The following MAGI2 variants were observed in gnomAD, a reference collection of about 807,000 sequenced individuals.
MAGI2 encodes the protein membrane-associated guanylate kinase, WW and PDZ domain-containing protein 2.
In MAGI2, 35 loss-of-function variants were observed where a neutral mutation model predicts 133.3. The ratio of observed to expected loss-of-function variants is 0.26; its 90% CI spans 0.20 to 0.35. The LOEUF is 0.35. Among genes scored for constraint, MAGI2 ranks in the 10% least tolerant of loss-of-function variants. MAGI2 has a pLI of 1.00. For missense variants in MAGI2, 1,636 were observed against 1,863.4 expected (o/e 0.88, Z 2.25); for synonymous variants, 729 against 710.6 (o/e 1.03, Z -0.41).
chr7:79,322,981 C>T (rs758369362), intron 1 of MAGI2, among the ~76,000 whole-genome samples: 17 of 152,016 alleles, frequency 1.1e-4, no homozygotes, highest in South Asian at 2.1e-4. Flanking sequence ...TGGGACTGCA[C>T]GCATGCACCA....
At chr7:79,346,984 T>G (rs574513047) in intron 1 of MAGI2, among the ~76,000 whole-genome samples, 54 of 152,104 alleles carry the variant, frequency 3.6e-4, no homozygotes, top group African/African-American at 1.1e-3. Flanking sequence ...ACATCCTGAG[T>G]CACTGTTTTT....
chr7:78,230,733 C>T (rs1789884174), intron 10 of MAGI2, among the ~76,000 whole-genome samples: 1 of 152,156 alleles, frequency 6.6e-6, no homozygotes, highest in African/African-American at 2.4e-5. Flanking sequence ...TAGCCTGACG[C>T]CAGCTCAGAT....
At chr7:79,445,237 T>C (rs968101930) in intron 1 of MAGI2, among the ~76,000 whole-genome samples, 17 of 152,144 alleles carry the variant, frequency 1.1e-4, no homozygotes, top group Non-Finnish European at 2.4e-4. Flanking sequence ...GGCAATACCA[T>C]TCAGGACATA....
intron 1 of MAGI2, among the ~76,000 whole-genome samples, chr7:79,286,783 C>T (rs1044091369): frequency 6.6e-6 from 1 of 151,952 alleles, no homozygotes; most frequent in African/African-American, 2.4e-5. Flanking sequence ...CCCAATTGTT[C>T]CCACCCCTCC....
chr7:78,769,283 C>T lies in MAGI2; in HGVS notation c.419-142044G>A, dbSNP rs530089810. ...TCTATTTTTTTTTTTAACCTGTCAG[C>T]CCTCCCGAAAGTCCAAATGTAAGCT... On this transcript the variant is annotated intron_variant, in intron 2 of 21. Coordinates refer to ENST00000354212, the MANE Select transcript of MAGI2 (RefSeq NM_012301.4). 5.9e-5 allele frequency among the ~76,000 whole-genome samples: 9 copies of T among 151,722 alleles called. No homozygotes were observed. The South Asian group carries it at 1.9e-3, about 32-fold the overall frequency.
At chr7:78,593,059 T>G (rs1804201565) in intron 3 of MAGI2, among the ~76,000 whole-genome samples, 1 of 151,788 alleles carries the variant, frequency 6.6e-6, no homozygotes, top group Non-Finnish European at 1.5e-5. Context: ...CTCTAACTCC[T>G]GAGCTCAAAG....
intron 10 of MAGI2, among the ~76,000 whole-genome samples, chr7:78,202,986 A>G (rs1029315281): frequency 6.6e-6 from 1 of 152,230 alleles, no homozygotes; most frequent in Non-Finnish European, 1.5e-5. Context: ...TAAAATACCA[A>G]TGAAAACAAT....
At chr7:79,007,981 A>G (rs1807629088) in intron 1 of MAGI2, among the ~76,000 whole-genome samples, 2 of 152,070 alleles carry the variant, frequency 1.3e-5, no homozygotes, top group Non-Finnish European at 2.9e-5. Flanking sequence ...ATATAGTTAA[A>G]AAGCCAATAA....
intron 1 of MAGI2, among the ~76,000 whole-genome samples, chr7:79,129,716 G>A (rs1170717086): frequency 2.0e-5 from 3 of 152,096 alleles, no homozygotes; most frequent in South Asian, 4.1e-4. Flanking sequence ...CTTTAAAGAT[G>A]CAAAATGACA....
At chr7:78,413,844 A>G (rs1798065685) in intron 6 of MAGI2, among the ~76,000 whole-genome samples, 1 of 152,082 alleles carries the variant, frequency 6.6e-6, no homozygotes, top group African/African-American at 2.4e-5. Context: ...AAAATCTCCT[A>G]TAACTGTTTC....
intron 1 of MAGI2, among the ~76,000 whole-genome samples, chr7:79,416,045 A>G (rs1185676341): frequency 1.3e-5 from 2 of 152,194 alleles, no homozygotes; most frequent in Non-Finnish European, 2.9e-5. Context: ...ACTAGGAGGA[A>G]AACTAAACTG....
chr7:79,035,249 G>T (rs1283277653), intron 1 of MAGI2, among the ~76,000 whole-genome samples: 1 of 151,920 alleles, frequency 6.6e-6, no homozygotes, highest in Non-Finnish European at 1.5e-5. Flanking sequence ...GTGTGTTGCT[G>T]CTCTGGAAGT....
intron 2 of MAGI2, among the ~76,000 whole-genome samples, chr7:78,745,658 CAT>C (rs1822859807): frequency 1.3e-5 from 2 of 152,100 alleles, no homozygotes; most frequent in South Asian, 2.1e-4. Context: ...GGCAGTTAAT[CAT>C]AATCAGTCAG....
intron 6 of MAGI2, among the ~76,000 whole-genome samples, chr7:78,481,100 A>C (rs1427876312): frequency 5.9e-5 from 9 of 151,974 alleles, no homozygotes; most frequent in African/African-American, 2.2e-4. Context: ...AAAGACCTAA[A>C]ATATCTAAAA....
At chr7:78,649,222 T>A (rs1332996115) in intron 2 of MAGI2, among the ~76,000 whole-genome samples, 11 of 45,034 alleles carry the variant, frequency 2.4e-4, no homozygotes, top group South Asian at 8.7e-4. Flanking sequence ...TGACTTGTGG[T>A]AAAAAAAAAA....
At chr7:78,515,034 A>G (rs114830454) in intron 4 of MAGI2, among the ~76,000 whole-genome samples, 2,829 of 152,256 alleles carry the variant, frequency 0.019, 94 homozygotes, top group African/African-American at 0.065. Flanking sequence ...AGAGAGATTT[A>G]AATGCTTTTA....
chr7:78,448,728 AT>A (rs1250464364), intron 6 of MAGI2, among the ~76,000 whole-genome samples: 1 of 152,086 alleles, frequency 6.6e-6, no homozygotes, highest in African/African-American at 2.4e-5. Flanking sequence ...AAATATGTAT[AT>A]TTGTATGCAT....
At chr7:79,034,470 C>A (rs1810920817) in intron 1 of MAGI2, among the ~76,000 whole-genome samples, 2 of 152,240 alleles carry the variant, frequency 1.3e-5, no homozygotes, top group East Asian at 1.9e-4. Context: ...TTCCCAAGTT[C>A]AATCAGCCCT....
In MAGI2 at chr7:79,002,860, AGTGTGTGT is replaced by A. The variant is rs4021172; in HGVS notation, c.418+4222_418+4229del. On this transcript the variant is annotated intron_variant, in intron 2 of 21. Transcript: ENST00000354212. ...CTAAGGGATGTGGCTTTTATTGAAA[AGTGTGTGT>A]GTGTGTGTGTGTGTGTGTGTGTGTG... Among the ~76,000 whole-genome samples the A allele has an allele frequency of 7.0e-3, 935 of 133,630 alleles. 4 individuals are homozygous for A. Among genetic ancestry groups the A allele is most frequent in the African/African-American group, 0.021 (758 of 36,080 alleles). The allele number at this position is 133,630 out of a possible 152,430, so 87.7% of individuals were successfully genotyped here.
Sources: allele counts gnomAD v4.1 joint callset (sites outside exome capture counted in the v4.1 genomes callset), GRCh38; gene constraint gnomAD v4.1.1; transcripts MANE v1.5; gene names NCBI Gene and HGNC (gene_info 2026-07-23, HGNC 2026-07-21).